POTEG: variants seen among roughly 807,000 people sequenced by gnomAD.
POTEG encodes POTE ankyrin domain family member G.
Under a neutral mutation model 49.6 loss-of-function variants are expected in POTEG, and 2 were observed. The observed-to-expected ratio is 0.04, with a 90% CI of 0.02 to 0.13. The LOEUF (loss-of-function observed/expected upper bound fraction) is 0.13, where lower values mean the gene tolerates loss of function less well. Among genes scored for constraint, POTEG ranks in the 10% least tolerant of loss-of-function variants. POTEG has a pLI of 1.00. For synonymous variants in POTEG, 7 were observed against 186.6 expected (o/e 0.04, Z 7.84); for missense variants, 26 against 545.2 (o/e 0.05, Z 9.48).
intron 1 of POTEG, among the ~76,000 whole-genome samples, chr14:19,432,377 T>TAC (rs1884172017): frequency 1.6e-5 from 1 of 62,468 alleles, no homozygotes; most frequent in Non-Finnish European, 3.9e-5. Context: ...TATATATATA[T>TAC]ATATATATAT....
intron 6 of POTEG, among the ~76,000 whole-genome samples, chr14:19,418,981 C>A (rs1222526628): frequency 2.0e-5 from 2 of 98,594 alleles, no homozygotes; most frequent in African/African-American, 4.8e-5. Flanking sequence ...TTAAGCTAAA[C>A]AAATGAAAAA....
intron 1 of POTEG, among the ~76,000 whole-genome samples, chr14:19,430,444 CATT>C (rs1884090460): frequency 2.3e-5 from 2 of 86,244 alleles, no homozygotes; most frequent in Non-Finnish European, 5.0e-5. Context: ...AAGACTTATA[CATT>C]TTCAAAAGGG....
chr14:19,429,135 A>T lies in POTEG; in HGVS notation c.522-146T>A, dbSNP rs959911116. 1.8e-5 allele frequency: 4 copies of T among 218,864 alleles called. 2 individuals are homozygous for T. Among genetic ancestry groups the T allele is most frequent in the African/African-American group, 1.8e-4 (2 of 11,164 alleles). 13.6% of individuals were successfully genotyped at this position (218,864 alleles called of 1,614,324 possible). A position where few individuals can be genotyped will look rare whatever the true frequency, so the allele number is the denominator to read the frequency against. ...AACTTTCCCATGAAAAAAGCACACG[A>T]TTTATTATCTCTCATTACTCGCTGT... On this transcript the variant is annotated intron_variant, in intron 1 of 10. Coordinates refer to ENST00000547848, the MANE Select transcript of POTEG (RefSeq NM_001005356.3).
rs58833974 is a variant in POTEG at position 19,415,829 on chromosome 14, ATTTTTTTTTTTTTTTTT to A, written c.1197+442_1197+458del. On this transcript the variant is annotated intron_variant, in intron 7 of 10. Transcript: ENST00000547848. ...CAATAAATTTTAAGAATCTATTAAAATTTTTTTTTTTTTTTTTTTTTTTTTTTTTTTTTTGACACAGA... is the reference window on the plus strand; with the variant it reads ...CAATAAATTTTAAGAATCTATTAAAATTTTTTTTTTTTTTTTTGACACAGA... Among the ~76,000 whole-genome samples the A allele has an allele frequency of 5.2e-5, 5 of 96,746 alleles. No homozygotes were observed. The East Asian group carries it at 1.3e-3, about 24-fold the overall frequency. The allele number at this position is 96,746 out of a possible 152,430, so 63.5% of individuals were successfully genotyped here.
At chr14:19,407,238 AT>A (rs1464708094) in intron 9 of POTEG, among the ~76,000 whole-genome samples, 27 of 142,354 alleles carry the variant, frequency 1.9e-4, no homozygotes, top group Non-Finnish European at 3.5e-4. Flanking sequence ...ATAAAAATAT[AT>A]ATATCTCACA....
intron 1 of POTEG, among the ~76,000 whole-genome samples, chr14:19,432,403 T>TATATATATATAC (rs1330765784): frequency 4.0e-4 from 18 of 44,704 alleles, no homozygotes; most frequent in East Asian, 1.1e-3. Context: ...TATATATATA[T>TATATATATATAC]ACACACACAT....
intron 1 of POTEG, among the ~76,000 whole-genome samples, chr14:19,432,441 T>TAA: frequency 1.3e-5 from 1 of 79,788 alleles, no homozygotes; most frequent in African/African-American, 4.9e-5. Flanking sequence ...CGTATATATA[T>TAA]ATATACATAT....
chr14:19,426,853 TAAAAATAAAAAG>T (rs1566380981), intron 3 of POTEG: 1 of 403,146 alleles, frequency 2.5e-6, no homozygotes, highest in African/African-American at 2.2e-5. Flanking sequence ...AAAATAAAAA[TAAAAATAAAAAG>T]AAAGAAAGAA....
At chr14:19,415,351 A>C (rs1250004926) in intron 7 of POTEG, among the ~76,000 whole-genome samples, 1 of 144,178 alleles carries the variant, frequency 6.9e-6, no homozygotes, top group Non-Finnish European at 1.6e-5. Flanking sequence ...GATTCCTTTA[A>C]TAGGCAGTTG....
chr14:19,414,051 TA>T (rs1434533281), intron 8 of POTEG, among the ~76,000 whole-genome samples: 1 of 75,686 alleles, frequency 1.3e-5, no homozygotes, highest in Non-Finnish European at 3.0e-5. Context: ...CTTTTTTCAT[TA>T]GGTTCCTAGG....
At chr14:19,432,424 G>T (rs1487216879) in intron 1 of POTEG, among the ~76,000 whole-genome samples, 2 of 34,926 alleles carry the variant, frequency 5.7e-5, no homozygotes, top group Non-Finnish European at 5.4e-5. Flanking sequence ...GTATATATAT[G>T]TATATACGTA....
In POTEG at chr14:19,414,955, C is replaced by G. The variant is rs1175378055; in HGVS notation, c.1198-349G>C. 2.2e-5 allele frequency among the ~76,000 whole-genome samples: 3 copies of G among 138,108 alleles called. 1 individual carries two copies. Among genetic ancestry groups the G allele is most frequent in the Non-Finnish European group, 4.9e-5 (3 of 61,006 alleles). 90.6% of individuals were successfully genotyped at this position (138,108 alleles called of 152,430 possible). A position where few individuals can be genotyped will look rare whatever the true frequency, so the allele number is the denominator to read the frequency against. On this transcript the variant is annotated intron_variant, in intron 7 of 10. Coordinates refer to ENST00000547848, the MANE Select transcript of POTEG (RefSeq NM_001005356.3). ...GTTAAATCTACCAAAAATGAATCAG[C>G]AGATCATTTGTAGTGTTGCAAAACC...
chr14:19,432,345 C>CA (rs1291139817), intron 1 of POTEG, among the ~76,000 whole-genome samples: 1,315 of 24,182 alleles, frequency 0.054, 7 homozygotes, highest in South Asian at 0.12. Context: ...GAGACTCCAT[C>CA]AAAAAAAAAA....
intron 1 of POTEG, among the ~76,000 whole-genome samples, chr14:19,432,364 T>TTTATTTATATATATA (rs1566383045): frequency 7.0e-5 from 3 of 42,924 alleles, no homozygotes; most frequent in African/African-American, 2.9e-4. Flanking sequence ...AAAAGAAATT[T>TTTATTTATATATATA]TGTATATATA....
At chr14:19,414,802 G>T (rs1457804129) in intron 7 of POTEG, among the ~76,000 whole-genome samples, 196 bp from the exon 8 acceptor site, 1 of 142,012 alleles carries the variant, frequency 7.0e-6, no homozygotes, top group East Asian at 2.0e-4. Context: ...TCTATGTTTA[G>T]CTACTGCCAC....
At chr14:19,430,931 T>G (rs1884111629) in intron 1 of POTEG, among the ~76,000 whole-genome samples, 2 of 149,262 alleles carry the variant, frequency 1.3e-5, no homozygotes, top group African/African-American at 5.0e-5. Flanking sequence ...GTAAACACAA[T>G]CCCTCTACTT....
At chr14:19,430,854 TAATC>T (rs1256785267) in intron 1 of POTEG, among the ~76,000 whole-genome samples, 6 of 146,996 alleles carry the variant, frequency 4.1e-5, no homozygotes, top group African/African-American at 1.0e-4. Context: ...TTTTACATGT[TAATC>T]TATATATAAT....
intron 9 of POTEG, among the ~76,000 whole-genome samples, chr14:19,405,894 CA>C (rs1883285323): frequency 2.2e-5 from 1 of 45,672 alleles, no homozygotes; most frequent in Non-Finnish European, 4.8e-5. Flanking sequence ...ACAGTGGCTG[CA>C]AAAAAGTGTG....
chr14:19,432,403 T>TATATAC (rs1330765784), intron 1 of POTEG, among the ~76,000 whole-genome samples: 805 of 44,020 alleles, frequency 0.018, 3 homozygotes, highest in South Asian at 0.045. Flanking sequence ...TATATATATA[T>TATATAC]ACACACACAT....
Sources: gnomAD v4.1 joint callset for allele counts (sites outside exome capture counted in the v4.1 genomes callset) on GRCh38, gnomAD v4.1.1 for gene constraint, MANE v1.5 for transcripts, NCBI Gene and HGNC (gene_info 2026-07-23, HGNC 2026-07-21) for gene names.